RBFOX1: variants seen among roughly 807,000 people sequenced by gnomAD.
RBFOX1 encodes the protein RNA binding fox-1 homolog 1, also known as RNA binding protein fox-1 homolog 1.
A neutral mutation model predicts 57.7 loss-of-function variants in RBFOX1; 8 were observed. The observed-to-expected ratio is 0.14, with a 90% CI of 0.08 to 0.25. The LOEUF (loss-of-function observed/expected upper bound fraction) is 0.25, where lower values mean the gene tolerates loss of function less well. Among genes scored for constraint, RBFOX1 ranks in the 10% least tolerant of loss-of-function variants. RBFOX1 has a pLI of 1.00. For synonymous variants in RBFOX1, 326 were observed against 222.4 expected (o/e 1.47, Z -4.15); for missense variants, 611 against 548.5 (o/e 1.11, Z -1.14).
intron 3 of RBFOX1, among the ~76,000 whole-genome samples, chr16:6,980,849 T>A (rs2088586631): frequency 6.6e-6 from 1 of 151,830 alleles, no homozygotes; most frequent in Non-Finnish European, 1.5e-5. Flanking sequence ...TCAAAACCAG[T>A]CTGGCTAACA....
At chr16:6,314,195 T>C (rs2080776876) in intron 1 of RBFOX1, among the ~76,000 whole-genome samples, 2 of 152,190 alleles carry the variant, frequency 1.3e-5, no homozygotes, top group Admixed American at 1.3e-4. Flanking sequence ...CTTGGTGCTG[T>C]AACCCTCTGG....
intron 4 of RBFOX1, among the ~76,000 whole-genome samples, chr16:7,090,854 G>A (rs1048747416): frequency 7.2e-5 from 11 of 152,164 alleles, no homozygotes; most frequent in Non-Finnish European, 1.0e-4. Context: ...TACACTTGCC[G>A]TAGAATGAAG....
chr16:7,192,588 C>T (rs971284078), intron 4 of RBFOX1, among the ~76,000 whole-genome samples: 3 of 152,096 alleles, frequency 2.0e-5, no homozygotes, highest in African/African-American at 7.2e-5. Flanking sequence ...TAGAGGAGAT[C>T]CAGACACACG....
intron 2 of RBFOX1, among the ~76,000 whole-genome samples, chr16:5,554,068 C>G (rs955282233): frequency 4.0e-5 from 6 of 150,750 alleles, no homozygotes; most frequent in African/African-American, 1.5e-4. Flanking sequence ...CTCCTGGGTT[C>G]AAGTGATTCT....
intron 3 of RBFOX1, among the ~76,000 whole-genome samples, chr16:6,813,752 C>T (rs1567364295): frequency 2.0e-5 from 3 of 152,176 alleles, no homozygotes; most frequent in South Asian, 2.1e-4. Flanking sequence ...ATCAAACCTC[C>T]TGGGCATGCC....
At chr16:7,448,058 ACTAAT>A (rs1232613318) in intron 4 of RBFOX1, among the ~76,000 whole-genome samples, 2 of 152,206 alleles carry the variant, frequency 1.3e-5, no homozygotes, top group African/African-American at 4.8e-5. Context: ...AAAACAACTG[ACTAAT>A]CTAAGGGCCA....
chr16:5,388,870 C>G (rs769688131), intron 1 of RBFOX1, among the ~76,000 whole-genome samples: 2 of 151,534 alleles, frequency 1.3e-5, no homozygotes, highest in African/African-American at 2.4e-5. Flanking sequence ...AGTCACCGCG[C>G]CTTGCCAGAA....
At chr16:5,770,507 G>T in intron 3 of RBFOX1, among the ~76,000 whole-genome samples, 1 of 152,170 alleles carries the variant, frequency 6.6e-6, no homozygotes, top group Non-Finnish European at 1.5e-5. Flanking sequence ...ATATAATTAA[G>T]GAGTTGTTAT....
chr16:5,808,287 T>C (rs1220551855), intron 3 of RBFOX1, among the ~76,000 whole-genome samples: 1 of 152,350 alleles, frequency 6.6e-6, no homozygotes, highest in East Asian at 1.9e-4. Context: ...TATCTCTGTA[T>C]TGGTACCAGT....
In RBFOX1 at chr16:6,065,077, G is replaced by C. The variant is rs998298162; in HGVS notation, c.-127+45085G>C. Among the ~76,000 whole-genome samples the C allele has an allele frequency of 7.9e-5, 12 of 151,210 alleles. No homozygotes were observed. In the East Asian group the frequency reaches 2.0e-3, roughly 25 times the overall value. On this transcript the variant is annotated intron_variant, in intron 1 of 15. Transcript: ENST00000550418. Reference sequence around the variant, plus strand: ...GGGTCTTGTTCTGTCACCCAGGCTAGAGTATAATGGTGTGATCCTGGCTTA... The same window carrying C: ...GGGTCTTGTTCTGTCACCCAGGCTACAGTATAATGGTGTGATCCTGGCTTA...
intron 3 of RBFOX1, among the ~76,000 whole-genome samples, chr16:5,722,833 C>T (rs1454225511): frequency 6.6e-6 from 1 of 152,180 alleles, no homozygotes; most frequent in South Asian, 2.1e-4. Context: ...TCTCCCAAGA[C>T]CAAGTATCCC....
chr16:7,380,957 C>T (rs575310350), intron 4 of RBFOX1, among the ~76,000 whole-genome samples: 15 of 152,324 alleles, frequency 9.8e-5, no homozygotes, highest in Admixed American at 8.5e-4. Context: ...TATTTTGAAT[C>T]TCCAGAGTTC....
intron 3 of RBFOX1, among the ~76,000 whole-genome samples, chr16:6,865,003 T>TTC (rs1397487387): frequency 6.9e-5 from 9 of 131,208 alleles, no homozygotes; most frequent in Admixed American, 2.2e-4. Flanking sequence ...TTCTTTTTTT[T>TTC]TTTTTTTTTT....
At chr16:7,549,964 C>T (rs1285393170) in intron 5 of RBFOX1, among the ~76,000 whole-genome samples, 1 of 152,076 alleles carries the variant, frequency 6.6e-6, no homozygotes, top group Non-Finnish European at 1.5e-5. Context: ...GGGTTTTACT[C>T]TGTCACTTAG....
intron 3 of RBFOX1, among the ~76,000 whole-genome samples, chr16:6,871,911 C>CTCTGTG (rs1411508387): frequency 6.9e-5 from 9 of 129,668 alleles, no homozygotes; most frequent in African/African-American, 2.8e-4. Context: ...GGGAGAGAGT[C>CTCTGTG]TGTGTGTGTG....
At chr16:7,376,385 A>C (rs538380719) in intron 4 of RBFOX1, among the ~76,000 whole-genome samples, 1 of 152,160 alleles carries the variant, frequency 6.6e-6, no homozygotes, top group Non-Finnish European at 1.5e-5. Context: ...ATCGCCTTTG[A>C]GGTGATCCAG....
rs74004781 is a variant in RBFOX1 at position 6,120,933 on chromosome 16, T to A, written c.-127+100941T>A. 9.2e-3 allele frequency among the ~76,000 whole-genome samples: 1,400 copies of A among 152,340 alleles called. 29 individuals are homozygous for A. The highest frequency in any genetic ancestry group is 0.031 in the African/African-American group (1,289 of 41,582). Reference sequence around the variant, plus strand: ...AGAGGAGAACGAAGTCTGGGGCTGTTGTGTGAAACAGCTTGTTCTTCCTGC... The same window carrying A: ...AGAGGAGAACGAAGTCTGGGGCTGTAGTGTGAAACAGCTTGTTCTTCCTGC... On this transcript the variant is annotated intron_variant, in intron 1 of 15. Transcript: ENST00000550418.
chr16:7,187,099 G>T (rs1386503173), intron 4 of RBFOX1, among the ~76,000 whole-genome samples: 1 of 151,680 alleles, frequency 6.6e-6, no homozygotes, highest in African/African-American at 2.4e-5. Context: ...GCCTCATGAG[G>T]TCAGGGCTGC....
At chr16:7,664,190 G>A (rs1462308132) in intron 12 of RBFOX1, among the ~76,000 whole-genome samples, 2 of 152,150 alleles carry the variant, frequency 1.3e-5, no homozygotes, top group African/African-American at 4.8e-5. Context: ...TTACATACGT[G>A]TATACACTAT....
Sources: gnomAD v4.1 joint callset for allele counts (sites outside exome capture counted in the v4.1 genomes callset) on GRCh38, gnomAD v4.1.1 for gene constraint, MANE v1.5 for transcripts, NCBI Gene and HGNC (gene_info 2026-07-23, HGNC 2026-07-21) for gene names.